The following SEMA5A variants were observed in gnomAD, a reference collection of about 807,000 sequenced individuals.
SEMA5A encodes the protein semaphorin-5A.
A neutral mutation model predicts 135.5 loss-of-function variants in SEMA5A; 55 were observed. The observed-to-expected ratio is 0.41, with a 90% CI of 0.33 to 0.51. The LOEUF is 0.51. Among genes scored for constraint, SEMA5A ranks in the 20% least tolerant of loss-of-function variants. The pLI is 0.37. For synonymous variants in SEMA5A, 580 were observed against 546.5 expected (o/e 1.06, Z -0.85); for missense variants, 1,290 against 1,419.9 (o/e 0.91, Z 1.47).
chr5:9,503,658 T>C (rs1349414353), intron 1 of SEMA5A, among the ~76,000 whole-genome samples: 1 of 152,230 alleles, frequency 6.6e-6, no homozygotes, highest in Non-Finnish European at 1.5e-5. Context: ...TTGGACACCT[T>C]CTCATGGATG....
intron 2 of SEMA5A, among the ~76,000 whole-genome samples, chr5:9,406,419 C>T (rs911322319): frequency 6.6e-6 from 1 of 152,096 alleles, no homozygotes; most frequent in African/African-American, 2.4e-5. Context: ...ACAAACTGCC[C>T]TCATGTCAGT....
chr5:9,307,440 T>C (rs1326110205), intron 5 of SEMA5A, among the ~76,000 whole-genome samples: 1 of 152,058 alleles, frequency 6.6e-6, no homozygotes. Context: ...AGTCAACAAA[T>C]TAAGGGTTCC....
chr5:9,244,071 C>A (rs1046474493), intron 5 of SEMA5A, among the ~76,000 whole-genome samples: 1 of 152,106 alleles, frequency 6.6e-6, no homozygotes, highest in Non-Finnish European at 1.5e-5. Context: ...TTAAAAGGAC[C>A]ATGATTTGCC....
chr5:9,278,003 T>A (rs1183636819), intron 5 of SEMA5A, among the ~76,000 whole-genome samples: 1 of 151,844 alleles, frequency 6.6e-6, no homozygotes, highest in Non-Finnish European at 1.5e-5. Context: ...GACTTATCAA[T>A]AGACCCAGAA....
rs559616679 is a variant in SEMA5A at position 9,166,755 on chromosome 5, A to G, written c.1274-12060T>C. Among the ~76,000 whole-genome samples, 248 of 152,338 alleles carry G rather than the reference A, an allele frequency of 1.6e-3. 1 individual carries two copies. Among genetic ancestry groups the G allele is most frequent in the Non-Finnish European group, 2.9e-3 (198 of 68,026 alleles). On this transcript the variant is annotated intron_variant, in intron 11 of 22. Coordinates refer to ENST00000382496, the MANE Select transcript of SEMA5A (RefSeq NM_003966.3). ...ATAAAAACCATATTACTTTTAAAAC[A>G]AGAGTGCAATTAATAGAGCCCTCTG...
intron 3 of SEMA5A, among the ~76,000 whole-genome samples, chr5:9,346,005 C>T (rs139943566): frequency 6.6e-6 from 1 of 152,216 alleles, no homozygotes; most frequent in Non-Finnish European, 1.5e-5. Flanking sequence ...GCTTAAAAGC[C>T]TGACAGACTG....
At chr5:9,537,578 A>C (rs1420997148) in intron 1 of SEMA5A, among the ~76,000 whole-genome samples, 3 of 152,230 alleles carry the variant, frequency 2.0e-5, no homozygotes, top group Non-Finnish European at 4.4e-5. Flanking sequence ...GTGATAATTT[A>C]GGATTGGTAA....
intron 2 of SEMA5A, among the ~76,000 whole-genome samples, chr5:9,434,197 GT>G (rs1352825645): frequency 6.6e-6 from 1 of 152,080 alleles, no homozygotes; most frequent in Non-Finnish European, 1.5e-5. Context: ...TAAAACAAGG[GT>G]TTTTTCTTCA....
chr5:9,481,382 G>A (rs17260155), intron 1 of SEMA5A, among the ~76,000 whole-genome samples: 2,882 of 152,270 alleles, frequency 0.019, 43 homozygotes, highest in Non-Finnish European at 0.029. Context: ...TTTTGGTCTA[G>A]ATCACAATGT....
intron 12 of SEMA5A, among the ~76,000 whole-genome samples, chr5:9,148,286 A>G (rs1742449256): frequency 6.6e-6 from 1 of 152,172 alleles, no homozygotes; most frequent in Non-Finnish European, 1.5e-5. Flanking sequence ...GTAGATGATA[A>G]TCTAACTTAG....
At chr5:9,124,332 G>A (rs1740989204) in intron 13 of SEMA5A, among the ~76,000 whole-genome samples, 1 of 152,156 alleles carries the variant, frequency 6.6e-6, no homozygotes, top group African/African-American at 2.4e-5. Context: ...CTGCTCAGGA[G>A]GTGGCAGTGC....
At chr5:9,372,805 C>T (rs544041646) in intron 3 of SEMA5A, among the ~76,000 whole-genome samples, 2 of 152,358 alleles carry the variant, frequency 1.3e-5, no homozygotes, top group South Asian at 2.1e-4. Context: ...CCTGTGGACA[C>T]ACATGGAGCC....
chr5:9,197,748 G>A (rs866285569), intron 9 of SEMA5A, among the ~76,000 whole-genome samples: 4 of 100,780 alleles, frequency 4.0e-5, no homozygotes, highest in Admixed American at 2.8e-4. Flanking sequence ...GTGTGTGTGT[G>A]TGTGTGTGTG....
chr5:9,495,437 G>T (rs1735251959), intron 1 of SEMA5A, among the ~76,000 whole-genome samples: 1 of 152,174 alleles, frequency 6.6e-6, no homozygotes, highest in Non-Finnish European at 1.5e-5. Context: ...AAGCAAGACA[G>T]CTTGGTTCTC....
chr5:9,193,294 C>T lies in SEMA5A; in HGVS notation c.1069-2823G>A, dbSNP rs1806123. On this transcript the variant is annotated intron_variant, in intron 10 of 22. Transcript: ENST00000382496. ...GTCCGTGTGGGGCACTGTGTGACTC[C>T]CTGGGTTCACCATGCAAGAAGAAAA... Among the ~76,000 whole-genome samples, 1,862 of 152,122 alleles carry T rather than the reference C, an allele frequency of 0.012. 83 individuals are homozygous for T. In the East Asian group the frequency reaches 0.13, roughly 11 times the overall value.
intron 5 of SEMA5A, among the ~76,000 whole-genome samples, chr5:9,267,149 C>T (rs1749724474): frequency 6.6e-6 from 1 of 151,452 alleles, no homozygotes; most frequent in Non-Finnish European, 1.5e-5. Context: ...CAGGATGAGG[C>T]TCTTACCTGA....
chr5:9,090,682 A>C (rs1052275556), intron 16 of SEMA5A, among the ~76,000 whole-genome samples: 25 of 152,162 alleles, frequency 1.6e-4, no homozygotes, highest in Admixed American at 4.6e-4. Context: ...CCAGGCACTG[A>C]GAATGTCCTG....
At chr5:9,274,745 G>T (rs370539034) in intron 5 of SEMA5A, among the ~76,000 whole-genome samples, 1 of 152,102 alleles carries the variant, frequency 6.6e-6, no homozygotes, top group Admixed American at 6.6e-5. Flanking sequence ...GGTAAATAAC[G>T]AAATGATGGC....
At chr5:9,221,029 C>A (rs1746921279) in intron 8 of SEMA5A, among the ~76,000 whole-genome samples, 1 of 152,112 alleles carries the variant, frequency 6.6e-6, no homozygotes, top group African/African-American at 2.4e-5. Flanking sequence ...GAGAAAATTG[C>A]CACTGCATGG....
Sources: allele counts gnomAD v4.1 joint callset (sites outside exome capture counted in the v4.1 genomes callset), GRCh38; gene constraint gnomAD v4.1.1; transcripts MANE v1.5; gene names NCBI Gene and HGNC (gene_info 2026-07-23, HGNC 2026-07-21).